MDGA2: variants seen among roughly 807,000 people sequenced by gnomAD.
MDGA2 encodes the protein MAM domain-containing glycosylphosphatidylinositol anchor protein 2.
In MDGA2, 40 loss-of-function variants were observed where a neutral mutation model predicts 117.8. The observed-to-expected ratio is 0.34, with a 90% confidence interval of 0.26 to 0.44. MDGA2 has a LOEUF of 0.44. Among genes scored for constraint, MDGA2 ranks in the 20% least tolerant of loss-of-function variants. The pLI, the probability that MDGA2 is intolerant of heterozygous loss-of-function variation, is 1.00. For synonymous variants in MDGA2, 452 were observed against 439.0 expected (o/e 1.03, Z -0.37); for missense variants, 1,123 against 1,250.6 (o/e 0.90, Z 1.54).
intron 6 of MDGA2, among the ~76,000 whole-genome samples, chr14:47,077,627 A>C (rs1890543212): frequency 6.6e-6 from 1 of 151,968 alleles, no homozygotes; most frequent in African/African-American, 2.4e-5. Flanking sequence ...TTTATTGTTA[A>C]CACAGTGCAT....
chr14:47,283,138 T>C (rs1309907008), intron 2 of MDGA2, among the ~76,000 whole-genome samples: 1 of 152,002 alleles, frequency 6.6e-6, no homozygotes, highest in Non-Finnish European at 1.5e-5. Flanking sequence ...GTATAGATTG[T>C]GGTAACAGAG....
intron 6 of MDGA2, among the ~76,000 whole-genome samples, chr14:47,086,253 A>G (rs1890896819): frequency 6.6e-6 from 1 of 152,036 alleles, no homozygotes; most frequent in Admixed American, 6.6e-5. Context: ...TTGAGCCAAC[A>G]AAGTAAAAAG....
At chr14:47,157,004 G>A (rs1883415094) in intron 3 of MDGA2, among the ~76,000 whole-genome samples, 2 of 152,178 alleles carry the variant, frequency 1.3e-5, no homozygotes, top group African/African-American at 2.4e-5. Flanking sequence ...TTACTGTGAA[G>A]CTATACAAAA....
chr14:47,093,572 T>C (rs1566619651), intron 6 of MDGA2, among the ~76,000 whole-genome samples: 1 of 152,122 alleles, frequency 6.6e-6, no homozygotes, highest in Non-Finnish European at 1.5e-5. Context: ...TTATGAGAAA[T>C]GTAGCTCAGA....
At chr14:47,444,736 C>T (rs568148438) in intron 1 of MDGA2, among the ~76,000 whole-genome samples, 5 of 151,988 alleles carry the variant, frequency 3.3e-5, no homozygotes, top group East Asian at 3.9e-4. Context: ...AACTTGATGA[C>T]GGTAAGTAAT....
chr14:47,206,488 G>C, intron 3 of MDGA2, among the ~76,000 whole-genome samples: 1 of 151,964 alleles, frequency 6.6e-6, no homozygotes, highest in East Asian at 1.9e-4. Flanking sequence ...CTACTCAAGA[G>C]GCTGGGGTGG....
chr14:47,673,399 C>A (rs1594975786), intron 1 of MDGA2, among the ~76,000 whole-genome samples: 2 of 152,102 alleles, frequency 1.3e-5, no homozygotes, highest in East Asian at 3.9e-4. Context: ...GAGTCCAAAC[C>A]CCTGAGTGAA....
intron 3 of MDGA2, among the ~76,000 whole-genome samples, chr14:47,178,128 C>A (rs1270377212): frequency 6.6e-6 from 1 of 151,906 alleles, no homozygotes; most frequent in East Asian, 1.9e-4. Flanking sequence ...AGGACAGCTC[C>A]ATTTTGATAA....
chr14:47,216,811 G>T (rs1416911307), intron 3 of MDGA2, among the ~76,000 whole-genome samples: 1 of 152,020 alleles, frequency 6.6e-6, no homozygotes, highest in East Asian at 1.9e-4. Flanking sequence ...GAAGCCAGGG[G>T]CTATATTATT....
intron 1 of MDGA2, among the ~76,000 whole-genome samples, chr14:47,617,951 C>G (rs972726413): frequency 1.3e-5 from 2 of 152,082 alleles, no homozygotes; most frequent in African/African-American, 2.4e-5. Context: ...TAATAAATAA[C>G]TTTTTAATTA....
chr14:47,175,966 A>G (rs1884425500), intron 3 of MDGA2, among the ~76,000 whole-genome samples: 1 of 152,200 alleles, frequency 6.6e-6, no homozygotes, highest in Non-Finnish European at 1.5e-5. Flanking sequence ...AGGATACAAA[A>G]TCAATGTGCA....
chr14:47,058,195 GAAAC>G (rs747514078), intron 7 of MDGA2, among the ~76,000 whole-genome samples: 19 of 151,970 alleles, frequency 1.3e-4, no homozygotes, highest in Non-Finnish European at 2.5e-4. Context: ...AGAGGAAAAA[GAAAC>G]AACAGAGTAA....
intron 9 of MDGA2, among the ~76,000 whole-genome samples, chr14:46,928,530 G>C (rs997660266): frequency 6.9e-6 from 1 of 145,354 alleles, no homozygotes; most frequent in Non-Finnish European, 1.5e-5. Context: ...CAAAAGCTTT[G>C]TAACTCAGTA....
At chr14:47,376,072 A>C (rs1255080135) in intron 1 of MDGA2, among the ~76,000 whole-genome samples, 2 of 152,172 alleles carry the variant, frequency 1.3e-5, no homozygotes, top group Admixed American at 1.3e-4. Context: ...CAAAACTATA[A>C]ACAATATTTT....
chr14:47,396,925 G>A (rs967613819), intron 1 of MDGA2, among the ~76,000 whole-genome samples: 26 of 152,150 alleles, frequency 1.7e-4, no homozygotes, highest in African/African-American at 4.8e-4. Flanking sequence ...ACAGTGTGGC[G>A]ATTCCTCAAG....
chr14:47,491,669 A>G (rs1404175465), intron 1 of MDGA2, among the ~76,000 whole-genome samples: 1 of 152,168 alleles, frequency 6.6e-6, no homozygotes, highest in Non-Finnish European at 1.5e-5. Flanking sequence ...TACAGCCATG[A>G]TTAAGAAATA....
intron 5 of MDGA2, among the ~76,000 whole-genome samples, chr14:47,121,853 CAAAG>C (rs1881669327): frequency 6.6e-6 from 1 of 151,982 alleles, no homozygotes; most frequent in African/African-American, 2.4e-5. Flanking sequence ...CAAATATTTG[CAAAG>C]AGTCACTCAA....
chr14:46,957,674 A>G lies in MDGA2; in HGVS notation c.1820-31T>C, dbSNP rs143943330. 8.5e-4 allele frequency: 1,376 copies of G among 1,610,762 alleles called. 12 individuals are homozygous for G. In the African/African-American group the frequency reaches 0.016, roughly 19 times the overall value. On this transcript the variant is annotated intron_variant, in intron 8 of 16. Coordinates refer to ENST00000399232, the MANE Select transcript of MDGA2 (RefSeq NM_001113498.3). The stretch of plus-strand genomic sequence containing the variant: ...GAAAAGATATGTAAAAACAGATGAA[A>G]GATGTGACTTGCAATAAGCCAAAAG...
intron 1 of MDGA2, among the ~76,000 whole-genome samples, chr14:47,608,165 A>G (rs1896775206): frequency 6.6e-6 from 1 of 152,156 alleles, no homozygotes. Context: ...GGTGGGAAAG[A>G]TATCACTGAA....
Sources: allele counts gnomAD v4.1 joint callset (sites outside exome capture counted in the v4.1 genomes callset), GRCh38; gene constraint gnomAD v4.1.1; transcripts MANE v1.5; gene names NCBI Gene and HGNC (gene_info 2026-07-23, HGNC 2026-07-21).